MYO5B: variants seen among roughly 807,000 people sequenced by gnomAD.
MYO5B encodes the protein myosin VB, also known as unconventional myosin-Vb.
MYO5B carries 143 observed loss-of-function variants against 229.3 expected under a neutral mutation model. The ratio of observed to expected loss-of-function variants is 0.62; its 90% CI spans 0.54 to 0.72. The LOEUF (loss-of-function observed/expected upper bound fraction) is 0.72. Ranked by LOEUF, MYO5B falls within the 30% of genes least tolerant of loss-of-function variation. The pLI is 0.00. For synonymous variants in MYO5B, 918 were observed against 885.2 expected, an observed-to-expected ratio of 1.04 and a Z score of -0.66; for missense variants, 2,321 against 2,331.0, an observed-to-expected ratio of 1.00 and a Z score of 0.09.
chr18:50,068,053 A>ACC (rs1424146245), intron 1 of MYO5B, among the ~76,000 whole-genome samples: 1 of 151,618 alleles, frequency 6.6e-6, no homozygotes, highest in Non-Finnish European at 1.5e-5. Flanking sequence ...ATACACACAC[A>ACC]CACACACACA....
chr18:50,191,344 G>A (rs571263351), intron 1 of MYO5B, among the ~76,000 whole-genome samples: 3 of 152,162 alleles, frequency 2.0e-5, no homozygotes, highest in Non-Finnish European at 4.4e-5. Context: ...GCAGCCCTTA[G>A]GGAAGAACTC....
intron 18 of MYO5B, among the ~76,000 whole-genome samples, chr18:49,906,911 G>T (rs914526789): frequency 6.6e-6 from 1 of 152,222 alleles, no homozygotes; most frequent in Non-Finnish European, 1.5e-5. Context: ...CGTTTTCAGA[G>T]AATGGTGAGG....
rs369507800 is a variant in MYO5B at position 50,145,497 on chromosome 18, C to CAA, written c.27+49268_27+49269dup. On this transcript the variant is annotated intron_variant, in intron 1 of 39. Transcript: ENST00000285039. ...TGGGCAACAGAGCAAGACTCCATCT[C>CAA]AAAAAAAAAAAAAAAAAAAAAAAAA... is the stretch of plus-strand genomic sequence containing the variant. 8.1e-4 allele frequency among the ~76,000 whole-genome samples: 57 copies of CAA among 70,006 alleles called. 4 individuals carry two copies. The highest frequency in any genetic ancestry group is 3.1e-3 in the African/African-American group (53 of 17,262). The allele number at this position is 70,006 out of a possible 152,430, so 45.9% of individuals were successfully genotyped here.
chr18:50,189,792 T>G (rs977196556), intron 1 of MYO5B, among the ~76,000 whole-genome samples: 1 of 152,164 alleles, frequency 6.6e-6, no homozygotes, highest in East Asian at 1.9e-4. Flanking sequence ...CTTGCTGCCT[T>G]CAGACTGACA....
chr18:50,073,134 C>T (rs777072804), intron 1 of MYO5B, among the ~76,000 whole-genome samples: 10 of 152,142 alleles, frequency 6.6e-5, no homozygotes, highest in Non-Finnish European at 1.2e-4. Context: ...ATACTTATAA[C>T]GATCAAGTAT....
chr18:50,158,099 C>T (rs139555059), intron 1 of MYO5B, among the ~76,000 whole-genome samples: 1,636 of 152,236 alleles, frequency 0.011, 13 homozygotes, highest in South Asian at 0.039. Context: ...TCCCTGAAAA[C>T]CTTAAATGAT....
chr18:49,926,547 C>T lies in MYO5B; in HGVS notation c.2090+2965G>A, dbSNP rs187428951. ...TGGCAGATGTTTGGTCTACATGATG[C>T]TGGTAGGCAGTGTGATTTCACAAGA... On this transcript the variant is annotated intron_variant, in intron 17 of 39. Coordinates refer to ENST00000285039, the MANE Select transcript of MYO5B (RefSeq NM_001080467.3). Among the ~76,000 whole-genome samples the T allele has an allele frequency of 2.1e-4, 32 of 152,308 alleles. No individual in the cohort carries two copies. In the East Asian group the frequency reaches 6.2e-3, roughly 29 times the overall value.
At chr18:50,151,287 A>G (rs956949836) in intron 1 of MYO5B, among the ~76,000 whole-genome samples, 5 of 152,328 alleles carry the variant, frequency 3.3e-5, no homozygotes, top group African/African-American at 9.6e-5. Context: ...CCATCATACT[A>G]TAGCCCACCA....
At chr18:50,175,595 T>C (rs1046977816) in intron 1 of MYO5B, among the ~76,000 whole-genome samples, 1 of 152,266 alleles carries the variant, frequency 6.6e-6, no homozygotes. Context: ...TTCCTCCTTT[T>C]ACTGTCTATG....
chr18:50,139,031 A>G (rs2032378590), intron 1 of MYO5B, among the ~76,000 whole-genome samples: 1 of 152,192 alleles, frequency 6.6e-6, no homozygotes, highest in African/African-American at 2.4e-5. Context: ...CATGCCAGTT[A>G]CCTTCCCCAG....
At chr18:49,914,332 C>A (rs889924848) in intron 17 of MYO5B, among the ~76,000 whole-genome samples, 10 of 152,214 alleles carry the variant, frequency 6.6e-5, no homozygotes, top group Non-Finnish European at 1.5e-4. Flanking sequence ...CCATAGCACA[C>A]CCTGTGATGG....
At chr18:49,830,376 G>C (rs2023900882) in intron 39 of MYO5B, among the ~76,000 whole-genome samples, 1 of 152,040 alleles carries the variant, frequency 6.6e-6, no homozygotes, top group Non-Finnish European at 1.5e-5. Flanking sequence ...TAAACAAATG[G>C]AAAGACACCC....
At chr18:50,178,925 G>A (rs1172078232) in intron 1 of MYO5B, among the ~76,000 whole-genome samples, 1 of 152,154 alleles carries the variant, frequency 6.6e-6, no homozygotes, top group African/African-American at 2.4e-5. Context: ...CTTTATTAAA[G>A]ATGGATTACA....
At chr18:50,027,078 T>C (rs977344917) in intron 4 of MYO5B, among the ~76,000 whole-genome samples, 2 of 152,164 alleles carry the variant, frequency 1.3e-5, no homozygotes, top group Admixed American at 6.5e-5. Context: ...AAATACACAG[T>C]AGAAAAAGAA....
intron 2 of MYO5B, among the ~76,000 whole-genome samples, chr18:50,052,121 T>A (rs149891923): frequency 0.027 from 4,110 of 152,268 alleles, 73 homozygotes; most frequent in Non-Finnish European, 0.042. Flanking sequence ...TGTAAACTAG[T>A]TCGACCATTG....
At chr18:49,843,180 A>C in intron 34 of MYO5B, 61 bp downstream of exon 34, 1 of 1,601,208 alleles carries the variant, frequency 6.2e-7, no homozygotes, top group Non-Finnish European at 8.5e-7. Flanking sequence ...GAGAAGCAAC[A>C]GTAAGGGGCT....
chr18:50,113,441 G>A (rs1372958832), intron 1 of MYO5B, among the ~76,000 whole-genome samples: 1 of 152,214 alleles, frequency 6.6e-6, no homozygotes, highest in South Asian at 2.1e-4. Context: ...TTTGTGTTAA[G>A]ATGGGGGACA....
At chr18:49,963,060 G>T in intron 10 of MYO5B, 30 bp from the exon 11 acceptor site, 1 of 1,581,316 alleles carries the variant, frequency 6.3e-7, no homozygotes, top group Non-Finnish European at 8.7e-7. Context: ...GATAAGAGAC[G>T]TCTCCTTTCA....
At chr18:49,954,506 G>T in intron 12 of MYO5B, 71 bp from the exon 13 acceptor site, 1 of 1,595,432 alleles carries the variant, frequency 6.3e-7, no homozygotes, top group South Asian at 1.1e-5. Context: ...GCAGCAGAGG[G>T]ATGGGACCAG....
Sources: gnomAD v4.1 joint callset for allele counts (sites outside exome capture counted in the v4.1 genomes callset) on GRCh38, gnomAD v4.1.1 for gene constraint, MANE v1.5 for transcripts, NCBI Gene and HGNC (gene_info 2026-07-23, HGNC 2026-07-21) for gene names.